NCAPG2: variants seen among roughly 807,000 people sequenced by gnomAD.
NCAPG2 encodes the protein condensin-2 complex subunit G2.
NCAPG2 carries 53 observed loss-of-function variants against 141.1 expected under a neutral mutation model. That is an observed-to-expected ratio of 0.38 (90% CI 0.30 to 0.47). NCAPG2 has a LOEUF of 0.47. Among genes scored for constraint, NCAPG2 ranks in the 20% least tolerant of loss-of-function variants. NCAPG2 has a pLI of 0.99. For synonymous variants in NCAPG2, 499 were observed against 490.7 expected, an observed-to-expected ratio of 1.02 and a Z score of -0.22; for missense variants, 1,087 against 1,389.0, an observed-to-expected ratio of 0.78 and a Z score of 3.46.
chr7:158,670,788 C>G (rs985047484), intron 13 of NCAPG2, among the ~76,000 whole-genome samples: 10 of 152,136 alleles, frequency 6.6e-5, no homozygotes, highest in African/African-American at 2.4e-4. Context: ...CACCACTTCT[C>G]TTATGAATAC....
chr7:158,689,112 T>TAAA (rs1834966853), intron 6 of NCAPG2, among the ~76,000 whole-genome samples: 1 of 152,176 alleles, frequency 6.6e-6, no homozygotes, highest in Non-Finnish European at 1.5e-5. Flanking sequence ...CGAGCCTCTC[T>TAAA]GTAATTCTCA....
At chr7:158,635,224 T>C (rs1444692228) in intron 27 of NCAPG2, among the ~76,000 whole-genome samples, 1 of 152,060 alleles carries the variant, frequency 6.6e-6, no homozygotes, top group Non-Finnish European at 1.5e-5. Flanking sequence ...AGCATACCAC[T>C]AAATAAGCTA....
At position 158,675,501 on chromosome 7, in the gene NCAPG2, A is replaced by C. The variant is rs1256588474; in HGVS notation, c.1302T>G (p.Ala434=). 1.9e-6 allele frequency: 3 copies of C among 1,607,890 alleles called. No homozygotes were observed. The highest frequency in any genetic ancestry group is 2.5e-6 in the Non-Finnish European group (3 of 1,178,752). ...CCTTAAAGACAGAACAACGAACATCAGCTGAGCTCGTGTCAAATGCCAGTT... is the reference window on the plus strand; with the variant it reads ...CCTTAAAGACAGAACAACGAACATCCGCTGAGCTCGTGTCAAATGCCAGTT... ...TGELAFDTSS[A]DVRCSVFKCL... Residue 434 remains alanine, a synonymous_variant, in exon 12 of 28, where the codon GCT becomes GCG. Coordinates refer to ENST00000356309, the MANE Select transcript of NCAPG2 (RefSeq NM_017760.7).
At chr7:158,664,072 A>G (rs984367278) in intron 15 of NCAPG2, 112 bp downstream of exon 15, 3 of 837,702 alleles carry the variant, frequency 3.6e-6, no homozygotes, top group Non-Finnish European at 5.8e-6. Context: ...TAACTTGTTT[A>G]ATTAACAATA....
chr7:158,644,129 A>G (rs1466058951), intron 27 of NCAPG2, among the ~76,000 whole-genome samples, 160 bp downstream of exon 27: 3 of 152,258 alleles, frequency 2.0e-5, no homozygotes, highest in African/African-American at 7.2e-5. Flanking sequence ...ATTAAACGTA[A>G]GCTAAAGGTC....
chr7:158,694,743 T>C (rs906259482), intron 2 of NCAPG2, among the ~76,000 whole-genome samples: 6 of 152,198 alleles, frequency 3.9e-5, no homozygotes, highest in Admixed American at 6.5e-5. Flanking sequence ...CCTCTCTTCC[T>C]GCTCTCCTAG....
At chr7:158,674,020 G>C (rs995105587) in intron 12 of NCAPG2, among the ~76,000 whole-genome samples, 1 of 152,216 alleles carries the variant, frequency 6.6e-6, no homozygotes, top group African/African-American at 2.4e-5. Flanking sequence ...GGAGTTGCAG[G>C]AAATGGAGAT....
At chr7:158,673,294 A>G (rs1833860055) in intron 12 of NCAPG2, among the ~76,000 whole-genome samples, 1 of 152,246 alleles carries the variant, frequency 6.6e-6, no homozygotes, top group Non-Finnish European at 1.5e-5. Context: ...GATGGTCATC[A>G]ACTCAGCAGT....
intron 19 of NCAPG2, 42 bp downstream of exon 19, chr7:158,656,218 A>T: frequency 6.3e-7 from 1 of 1,596,240 alleles, no homozygotes; most frequent in South Asian, 1.1e-5. Flanking sequence ...TGTCACCCCC[A>T]CAATCATAGG....
chr7:158,672,542 C>A (rs1471259420), intron 12 of NCAPG2, among the ~76,000 whole-genome samples: 1 of 151,424 alleles, frequency 6.6e-6, no homozygotes, highest in Non-Finnish European at 1.5e-5. Context: ...GGGGTTTTAC[C>A]TTGTTAGCCA....
At chr7:158,691,753 C>T (rs528174414) in intron 4 of NCAPG2, among the ~76,000 whole-genome samples, 3 of 152,242 alleles carry the variant, frequency 2.0e-5, no homozygotes, top group African/African-American at 7.2e-5. Context: ...AATTTCAATA[C>T]AGTAAAACTC....
At chr7:158,695,378 G>T (rs1835382278) in intron 2 of NCAPG2, among the ~76,000 whole-genome samples, 1 of 152,222 alleles carries the variant, frequency 6.6e-6, no homozygotes, top group African/African-American at 2.4e-5. Flanking sequence ...TATGCTGAAG[G>T]ATATAGCCTG....
At chr7:158,680,207 C>A (rs766231281) in intron 10 of NCAPG2, 122 bp from the exon 11 acceptor site, 2 of 1,149,610 alleles carry the variant, frequency 1.7e-6, no homozygotes, top group African/African-American at 1.6e-5. Context: ...AAATTACAGA[C>A]AATTATAACG....
chr7:158,661,677 A>G (rs940218705), intron 16 of NCAPG2, among the ~76,000 whole-genome samples: 1 of 152,240 alleles, frequency 6.6e-6, no homozygotes, highest in Admixed American at 6.5e-5. Flanking sequence ...ATTTCAAAAC[A>G]TCATGTTGAA....
chr7:158,661,514 G>A (rs759512076), intron 16 of NCAPG2, among the ~76,000 whole-genome samples: 8 of 152,138 alleles, frequency 5.3e-5, no homozygotes, highest in Admixed American at 5.2e-4. Context: ...GATCAGAGGA[G>A]TAAGTTCAAA....
chr7:158,694,506 G>A (rs1217033567), intron 2 of NCAPG2, among the ~76,000 whole-genome samples: 2 of 152,186 alleles, frequency 1.3e-5, no homozygotes, highest in African/African-American at 4.8e-5. Context: ...GGGACGGACA[G>A]ACCATGCCAT....
At chr7:158,655,875 T>C (rs1224712588) in intron 19 of NCAPG2, among the ~76,000 whole-genome samples, 1 of 152,192 alleles carries the variant, frequency 6.6e-6, no homozygotes, top group African/African-American at 2.4e-5. Flanking sequence ...GGGAGCATGA[T>C]GGGTTCCCAG....
Position 158,631,730 on chromosome 7 carries a change from TAAAG to T in NCAPG2, c.3381-17_3381-14del. On this transcript the variant is annotated splice_polypyrimidine_tract_variant and intron_variant, in intron 27 of 27. Transcript: ENST00000356309. ...TTCATAGAGAAATCTGAAACACAAATAAAGAAATATTTAGCTACAGAAAAAAGTG... is the reference window on the plus strand; with the variant it reads ...TTCATAGAGAAATCTGAAACACAAATAAATATTTAGCTACAGAAAAAAGTG... 2.5e-6 allele frequency: 4 copies of T among 1,572,874 alleles called. No individual in the cohort carries two copies. Among genetic ancestry groups the T allele is most frequent in the Non-Finnish European group, 3.5e-6 (4 of 1,146,100 alleles).
At chr7:158,685,569 C>T (rs1483259092) in intron 8 of NCAPG2, among the ~76,000 whole-genome samples, 3 of 152,166 alleles carry the variant, frequency 2.0e-5, no homozygotes, top group Non-Finnish European at 4.4e-5. Flanking sequence ...TTTAAATCAT[C>T]TCTAGATTAC....
Sources: gnomAD v4.1 joint callset for allele counts (sites outside exome capture counted in the v4.1 genomes callset) on GRCh38, gnomAD v4.1.1 for gene constraint, MANE v1.5 for transcripts, NCBI Gene and HGNC (gene_info 2026-07-23, HGNC 2026-07-21) for gene names.